THBS3: variants seen among roughly 807,000 people sequenced by gnomAD.
The protein encoded by THBS3 is thrombospondin-3.
In THBS3, 78 loss-of-function variants were observed where a neutral mutation model predicts 118.3. That is an observed-to-expected ratio of 0.66 (90% CI 0.55 to 0.80). THBS3 has a LOEUF of 0.80. Ranked by LOEUF, THBS3 falls within the 30% of genes least tolerant of loss-of-function variation. THBS3 has a pLI of 0.00. For missense variants in THBS3, 1,057 were observed against 1,247.4 expected (o/e 0.85, Z 2.30); for synonymous variants, 427 against 475.3 (o/e 0.90, Z 1.32).
Position 155,197,811 on chromosome 1 carries a change from C to T in THBS3, c.2302+69G>A. ...TTTGCCCATTCTCCCTGTCTGTTTC[C>T]TCCCCTACCCTCTGCCCCTATAGGA... is the stretch of plus-strand genomic sequence containing the variant. On this transcript the variant is annotated intron_variant, in intron 19 of 22. Coordinates refer to ENST00000368378, the MANE Select transcript of THBS3 (RefSeq NM_007112.5). This position sits in a 1 kb window ranked among gnomAD's most constrained non-coding sequence, Gnocchi z 5.0. 1.2e-6 allele frequency: 2 copies of T among 1,608,686 alleles called. No individual in the cohort carries two copies. The highest frequency in any genetic ancestry group is 2.2e-5 in the East Asian group (1 of 44,808).
Position 155,202,947 on chromosome 1 carries a change from C to G in THBS3, c.822G>C (p.Gln274His). The G allele has an allele frequency of 6.2e-7, 1 of 1,613,996 alleles. No homozygotes were observed. Among genetic ancestry groups the G allele is most frequent in the Non-Finnish European group, 8.5e-7 (1 of 1,180,008 alleles). Reference sequence around the variant, plus strand: ...AGGGATTGGGGCTGCAGTGGGAACGCTGCTCATGGAAGCCTGAGGGGTGGA... The same window carrying G: ...AGGGATTGGGGCTGCAGTGGGAACGGTGCTCATGGAAGCCTGAGGGGTGGA... ...MECQVCGFHE[Q>H]RSHCSPNPCF... The change falls in exon 8 of 23, where the codon CAG becomes CAC. Residue 274 changes from glutamine to histidine, a missense_variant. This residue lies in a region of THBS3 where 544 missense variants were observed against 715.6 expected (regional missense o/e 0.76). Coordinates refer to ENST00000368378, the MANE Select transcript of THBS3 (RefSeq NM_007112.5). This position sits in a 1 kb window ranked among gnomAD's most constrained non-coding sequence, Gnocchi z 5.5.
At chr1:155,208,013 A>G, upstream of THBS3, 2 of 661,604 alleles carry the variant, frequency 3.0e-6, no homozygotes, top group African/African-American at 1.8e-5. Flanking sequence ...GGGCTGAAAC[A>G]AAGAGCTGCC....
Position 155,197,989 on chromosome 1 carries a change from C to A in THBS3, c.2253+53G>T. ...GGTGTGCTATCCCTCCCAGGCCCCC[C>A]GTCCCAGTAGCCCTGTCTGATAGCA... On this transcript the variant is annotated intron_variant, in intron 18 of 22. Transcript: ENST00000368378. This position sits in a 1 kb window ranked among gnomAD's most constrained non-coding sequence, Gnocchi z 5.0. 4 of 1,614,040 alleles carry A rather than the reference C, an allele frequency of 2.5e-6. No homozygotes were observed. In the South Asian group the frequency reaches 4.4e-5, roughly 18 times the overall value.
Position 155,196,062 on chromosome 1 carries a change from G to T in THBS3, c.2737C>A (p.Arg913=), listed in dbSNP as rs757963784. The change falls in exon 22 of 23, where the codon CGA becomes AGA. Residue 913 remains arginine, a synonymous_variant. Transcript: ENST00000368378. ...CAGAATACACCAAGACGCCCCCCTCGCATGGATGTGTCAATGATCACCCCA... is the reference window on the plus strand; with the variant it reads ...CAGAATACACCAAGACGCCCCCCTCTCATGGATGTGTCAATGATCACCCCA... ...DSGVIIDTSM[R]GGRLGVFCFS... 6.2e-6 allele frequency: 10 copies of T among 1,614,006 alleles called. No homozygotes were observed. In the South Asian group the frequency reaches 9.9e-5, roughly 16 times the overall value.
Position 155,197,361 on chromosome 1 carries a change from T to TG in THBS3, c.2499+101dup, listed in dbSNP as rs1416029503. 2.0e-6 allele frequency: 3 copies of TG among 1,528,694 alleles called. No individual in the cohort carries two copies. The highest frequency in any genetic ancestry group is 1.4e-5 in the African/African-American group (1 of 72,986). 94.7% of individuals were successfully genotyped at this position (1,528,694 alleles called of 1,614,324 possible). A position where few individuals can be genotyped will look rare whatever the true frequency, so the allele number is the denominator to read the frequency against. ...AGAGCCGGCCTCCAAGCCAGATGTC[T>TG]GGGTAAGAGGGTTCCCAGTCAAGCA... is the stretch of plus-strand genomic sequence containing the variant. On this transcript the variant is annotated intron_variant, in intron 20 of 22. Coordinates refer to ENST00000368378, the MANE Select transcript of THBS3 (RefSeq NM_007112.5). This position sits in a 1 kb window ranked among gnomAD's most constrained non-coding sequence, Gnocchi z 5.0.
chr1:155,201,745 T>G (rs1282590890), intron 10 of THBS3, 176 bp from the exon 11 acceptor site: 1 of 971,062 alleles, frequency 1.0e-6, no homozygotes, highest in African/African-American at 1.7e-5. Context: ...AGTTTTCAGA[T>G]GAGGAAGCTG....
At chr1:155,205,393 T>A (rs1670404490) in intron 2 of THBS3, 77 bp from the exon 3 acceptor site, 1 of 1,559,876 alleles carries the variant, frequency 6.4e-7, no homozygotes, top group Non-Finnish European at 8.7e-7. Flanking sequence ...TCAACTCTGC[T>A]AGATACCACA....
chr1:155,196,203 T>C, intron 21 of THBS3, 77 bp from the exon 22 acceptor site: 1 of 1,544,954 alleles, frequency 6.5e-7, no homozygotes, highest in Non-Finnish European at 8.8e-7. Flanking sequence ...GCCTGGGGCC[T>C]TGCTTTTCCC....
Position 155,200,617 on chromosome 1 carries a change from AGAGGGGTGG to A in THBS3, c.1549-16_1549-8del. 6.7e-7 allele frequency: 1 copy of A among 1,481,936 alleles called. No individual in the cohort carries two copies. The highest frequency in any genetic ancestry group is 9.4e-7 in the Non-Finnish European group (1 of 1,060,224). The allele number at this position is 1,481,936 out of a possible 1,614,324, so 91.8% of individuals were successfully genotyped here. ...GGAACAGCCGGCAGTTGTCCTGGGC[AGAGGGGTGG>A]GAGGGGAAGGGTCAGGTCTCCCCTA... On this transcript the variant is annotated splice_polypyrimidine_tract_variant and splice_region_variant and intron_variant, in intron 13 of 22. Transcript: ENST00000368378.
At position 155,202,055 on chromosome 1, in the gene THBS3, T is replaced by C. The variant is rs1557868348; in HGVS notation, c.1099-21A>G. 1.9e-6 allele frequency: 3 copies of C among 1,613,922 alleles called. No homozygotes were observed. The highest frequency in any genetic ancestry group is 2.5e-6 in the Non-Finnish European group (3 of 1,180,020). ...CAGACCTGAAGGGGCAGACTTTGGGTGGAACCAGACCTATGGTGGGTCTCC... is the reference window on the plus strand; with the variant it reads ...CAGACCTGAAGGGGCAGACTTTGGGCGGAACCAGACCTATGGTGGGTCTCC... On this transcript the variant is annotated intron_variant, in intron 9 of 22. Coordinates refer to ENST00000368378, the MANE Select transcript of THBS3 (RefSeq NM_007112.5). This position sits in a 1 kb window ranked among gnomAD's most constrained non-coding sequence, Gnocchi z 5.5.
chr1:155,208,688 C>T (rs1670886491), upstream of THBS3: 3 of 1,133,912 alleles, frequency 2.6e-6, no homozygotes, highest in African/African-American at 4.8e-5. Context: ...CTCTCTTCCC[C>T]TCCCCCACCC....
At chr1:155,200,335 A>AC in intron 14 of THBS3, 116 bp downstream of exon 14, 1 of 1,371,540 alleles carries the variant, frequency 7.3e-7, no homozygotes, top group East Asian at 2.3e-5. Context: ...ACCCAGGCCA[A>AC]CGTCCACAAG....
rs1328884837 is a variant in THBS3 at position 155,203,527 on chromosome 1, A to AGT, written c.657_658dup (p.Leu220HisfsTer6). ...GGCCTACTCACCTAGAATGGAGTGC[A>AGT]GTGCATTGGTCACTGGAGAGGAGAA... On this transcript the variant is annotated frameshift_variant, in exon 5 of 23. Coordinates refer to ENST00000368378, the MANE Select transcript of THBS3 (RefSeq NM_007112.5). LOFTEE classifies it high-confidence loss of function. The AGT allele has an allele frequency of 6.2e-7, 1 of 1,613,696 alleles. No individual in the cohort carries two copies. Among genetic ancestry groups the AGT allele is most frequent in the African/African-American group, 1.3e-5 (1 of 74,928 alleles).
chr1:155,202,975 CAG>C lies in THBS3; in HGVS notation c.809-17_809-16del, dbSNP rs779443205. 1 of 1,613,794 alleles carries C rather than the reference CAG, an allele frequency of 6.2e-7. No individual in the cohort carries two copies. Among genetic ancestry groups the C allele is most frequent in the South Asian group, 1.1e-5 (1 of 91,064 alleles). Reference sequence around the variant, plus strand: ...CTCATGGAAGCCTGAGGGGTGGACACAGTCAGAGCTACCCGGTGGTCACTATT... The same window carrying C: ...CTCATGGAAGCCTGAGGGGTGGACACTCAGAGCTACCCGGTGGTCACTATT... On this transcript the variant is annotated splice_polypyrimidine_tract_variant and intron_variant, in intron 7 of 22. Coordinates refer to ENST00000368378, the MANE Select transcript of THBS3 (RefSeq NM_007112.5). This position sits in a 1 kb window ranked among gnomAD's most constrained non-coding sequence, Gnocchi z 5.5.
chr1:155,199,691 G>A lies in THBS3; in HGVS notation c.1880+113C>T, dbSNP rs1669353863. On this transcript the variant is annotated intron_variant, in intron 16 of 22. Transcript: ENST00000368378. ...AATCACTTGACCCTGGGAGACGGAG[G>A]TTGCAGTGAGCCAAGATCGTGCCAC... 3 of 1,083,680 alleles carry A rather than the reference G, an allele frequency of 2.8e-6. No homozygotes were observed. In the Admixed American group the frequency reaches 6.0e-5, roughly 22 times the overall value. The allele number at this position is 1,083,680 out of a possible 1,614,324, so 67.1% of individuals were successfully genotyped here.
Position 155,198,519 on chromosome 1 carries a change from A to G in THBS3, c.1964T>C (p.Leu655Pro). ...SSQLDSDNDG[L>P]GDECDGDDDN... Reference sequence around the variant, plus strand: ...ATCATCCCCATCACACTCATCTCCAAGTCCATCGTTATCAGAGTCCAGCTG... The same window carrying G: ...ATCATCCCCATCACACTCATCTCCAGGTCCATCGTTATCAGAGTCCAGCTG... The change falls in exon 17 of 23, where the codon CTT becomes CCT. Residue 655 changes from leucine (L) to proline (P), a missense_variant. By Grantham distance (98) the Leu-to-Pro change is moderately conservative. Transcript: ENST00000368378. 6.2e-7 allele frequency: 1 copy of G among 1,614,192 alleles called. No individual in the cohort carries two copies. The highest frequency in any genetic ancestry group is 8.5e-7 in the Non-Finnish European group (1 of 1,180,028).
chr1:155,203,379 T>C (rs1395375339), intron 5 of THBS3, 74 bp from the exon 6 acceptor site: 3 of 1,589,736 alleles, frequency 1.9e-6, no homozygotes, highest in Non-Finnish European at 2.6e-6. Context: ...AATAAGCCAG[T>C]ACCTGCCACG....
Position 155,202,147 on chromosome 1 carries a change from G to C in THBS3, c.1099-113C>G. ...CATCAACATTAAGCCCAGACCCAAA[G>C]CCGATGCAAAGCCATCCATGTCCCA... On this transcript the variant is annotated intron_variant, in intron 9 of 22. Coordinates refer to ENST00000368378, the MANE Select transcript of THBS3 (RefSeq NM_007112.5). This position sits in a 1 kb window ranked among gnomAD's most constrained non-coding sequence, Gnocchi z 5.5. The C allele has an allele frequency of 1.3e-6, 2 of 1,599,734 alleles. No individual in the cohort carries two copies. Among genetic ancestry groups the C allele is most frequent in the Non-Finnish European group, 8.5e-7 (1 of 1,171,226 alleles).
In THBS3 at chr1:155,202,100, C is replaced by T; in HGVS notation, c.1099-66G>A. On this transcript the variant is annotated intron_variant, in intron 9 of 22. Transcript: ENST00000368378. This position sits in a 1 kb window ranked among gnomAD's most constrained non-coding sequence, Gnocchi z 5.5. ...GTCTCCTCAGATACAGCAGAGGACA[C>T]TGGTATGGCCTTATCTGTGAACATC... is the stretch of plus-strand genomic sequence containing the variant. 7.4e-6 allele frequency: 12 copies of T among 1,612,988 alleles called. No individual in the cohort carries two copies. Among genetic ancestry groups the T allele is most frequent in the Non-Finnish European group, 1.0e-5 (12 of 1,179,352 alleles).
Sources: allele counts gnomAD v4.1 joint callset, GRCh38; gene constraint gnomAD v4.1.1; regional missense constraint gnomAD v4.1.1; non-coding constraint Gnocchi (gnomAD v3.1); transcripts MANE v1.5; gene names NCBI Gene and HGNC (gene_info 2026-07-23, HGNC 2026-07-21).